KHDC1: variants seen among roughly 807,000 people sequenced by gnomAD.
KHDC1 encodes KH homology domain-containing protein 1.
KHDC1 carries 21 observed loss-of-function variants against 24.7 expected under a neutral mutation model. The ratio of observed to expected loss-of-function variants is 0.85; its 90% CI spans 0.60 to 1.23. The LOEUF (loss-of-function observed/expected upper bound fraction) is 1.23. Among genes scored for constraint, KHDC1 ranks in the 50% most tolerant of loss-of-function variants. KHDC1 has a pLI of 0.00. For synonymous variants in KHDC1, 98 were observed against 111.7 expected (o/e 0.88, Z 0.77); for missense variants, 274 against 298.5 (o/e 0.92, Z 0.61).
exon 4 of KHDC1, chr6:73,242,090 C>T: frequency 6.2e-7 from 1 of 1,613,922 alleles, no homozygotes; most frequent in Non-Finnish European, 8.5e-7. Context: ...GCTCCCCACA[C>T]AACAAAACAT....
chr6:73,262,954 G>T, intron 2 of KHDC1: 1 of 991,882 alleles, frequency 1.0e-6, no homozygotes, highest in South Asian at 4.4e-5. Flanking sequence ...ACCACAGGGG[G>T]GTCAGGTAGC....
chr6:73,278,583 T>G (rs1228784100), intron 2 of KHDC1, among the ~76,000 whole-genome samples: 1 of 152,216 alleles, frequency 6.6e-6, no homozygotes, highest in East Asian at 1.9e-4. Context: ...TATAGTACTT[T>G]TTCAGTATCA....
At chr6:73,256,366 C>T (rs2150561917) in intron 2 of KHDC1, among the ~76,000 whole-genome samples, 1 of 152,070 alleles carries the variant, frequency 6.6e-6, no homozygotes, top group African/African-American at 2.4e-5. Context: ...TATTATTCTC[C>T]CATTAAAAAA....
At chr6:73,262,922 C>T (rs1767007156) in intron 2 of KHDC1, 1 of 987,612 alleles carries the variant, frequency 1.0e-6, no homozygotes, top group Non-Finnish European at 1.2e-6. Flanking sequence ...TCTGTCCCTT[C>T]ACCGGACTAA....
At chr6:73,288,407 G>A (rs1330999414) in intron 2 of KHDC1, among the ~76,000 whole-genome samples, 1 of 152,184 alleles carries the variant, frequency 6.6e-6, no homozygotes, top group Non-Finnish European at 1.5e-5. Flanking sequence ...AATCACTTGA[G>A]GTCAGGAGTT....
intron 2 of KHDC1, among the ~76,000 whole-genome samples, chr6:73,270,972 G>GAGCC (rs1198418759): frequency 6.6e-6 from 1 of 151,454 alleles, no homozygotes; most frequent in African/African-American, 2.4e-5. Context: ...TTACAAGCGT[G>GAGCC]AGCCACCGCG....
chr6:73,287,324 A>G (rs1355932812), intron 2 of KHDC1, among the ~76,000 whole-genome samples: 1 of 152,196 alleles, frequency 6.6e-6, no homozygotes, highest in African/African-American at 2.4e-5. Flanking sequence ...CTCAGATGCC[A>G]GAAAGACACA....
chr6:73,286,882 C>CAAAAA (rs34820901), intron 2 of KHDC1, among the ~76,000 whole-genome samples: 1 of 141,684 alleles, frequency 7.1e-6, no homozygotes, highest in Admixed American at 7.1e-5. Context: ...GACTCTGTCT[C>CAAAAA]AAAAAAAAAA....
intron 2 of KHDC1, among the ~76,000 whole-genome samples, chr6:73,249,338 C>T (rs1403368774): frequency 1.3e-5 from 2 of 151,974 alleles, no homozygotes; most frequent in Non-Finnish European, 2.9e-5. Context: ...CAACAAAGTA[C>T]TTATGTACTG....
intron 2 of KHDC1, among the ~76,000 whole-genome samples, chr6:73,257,945 T>A (rs759488940): frequency 4.1e-4 from 62 of 151,998 alleles, no homozygotes; most frequent in Non-Finnish European, 7.4e-4. Flanking sequence ...TCATCTCTAC[T>A]AAAAATTTTT....
intron 2 of KHDC1, among the ~76,000 whole-genome samples, chr6:73,253,859 A>G (rs1301334712): frequency 6.6e-6 from 1 of 152,216 alleles, no homozygotes; most frequent in African/African-American, 2.4e-5. Context: ...GTGAGCTATG[A>G]TCATACACCG....
chr6:73,254,434 C>G (rs1171207372), intron 2 of KHDC1, among the ~76,000 whole-genome samples: 1 of 150,782 alleles, frequency 6.6e-6, no homozygotes, highest in Non-Finnish European at 1.5e-5. Context: ...GCACTCCAGC[C>G]TGGGCGACAG....
chr6:73,247,122 C>A (rs1245556647), intron 2 of KHDC1, among the ~76,000 whole-genome samples: 1 of 151,928 alleles, frequency 6.6e-6, no homozygotes. Flanking sequence ...GGATTACAGG[C>A]ATGAACCACC....
intron 1 of KHDC1, among the ~76,000 whole-genome samples, chr6:73,305,211 C>T (rs1767941018): frequency 6.6e-6 from 1 of 151,940 alleles, no homozygotes; most frequent in Admixed American, 6.6e-5. Context: ...GCACTCCAGC[C>T]TGCCTAAGTG....
intron 2 of KHDC1, among the ~76,000 whole-genome samples, chr6:73,264,644 AGCCT>A (rs1452651182): frequency 1.3e-5 from 2 of 152,238 alleles, no homozygotes; most frequent in Non-Finnish European, 2.9e-5. Context: ...TCCTTTGGCA[AGCCT>A]GGGCCAGAGG....
Position 73,247,269 on chromosome 6 carries a change from G to A in KHDC1, c.207-4739C>T, listed in dbSNP as rs187311871. On this transcript the variant is annotated intron_variant, in intron 2 of 4. Coordinates refer to ENST00000370384, the Ensembl canonical transcript of KHDC1. ...TGAGATTACAGGTATGAGCCAACAC[G>A]CCCAGCCCAACATGTTTTAGAATAG... Among the ~76,000 whole-genome samples the A allele has an allele frequency of 1.6e-3, 242 of 152,068 alleles. 1 individual carries two copies. Among genetic ancestry groups the A allele is most frequent in the African/African-American group, 5.6e-3 (233 of 41,490 alleles).
chr6:73,264,176 GCAA>G lies in KHDC1; in HGVS notation c.207-21649_207-21647del, dbSNP rs1481929462. Among the ~76,000 whole-genome samples, 6 of 152,268 alleles carry G rather than the reference GCAA, an allele frequency of 3.9e-5. No individual in the cohort carries two copies. In the East Asian group the frequency reaches 1.2e-3, roughly 29 times the overall value. On this transcript the variant is annotated intron_variant, in intron 2 of 4. Transcript: ENST00000370384. Reference sequence around the variant, plus strand: ...ATCACGCCACTGCATTCCAGCCTGGGCAACAAAGCAAGACCCTGTCTGAGGTCA... The same window carrying G: ...ATCACGCCACTGCATTCCAGCCTGGGCAAAGCAAGACCCTGTCTGAGGTCA...
At chr6:73,288,783 G>A (rs1426985832) in intron 2 of KHDC1, among the ~76,000 whole-genome samples, 1 of 113,424 alleles carries the variant, frequency 8.8e-6, no homozygotes, top group African/African-American at 3.4e-5. Context: ...GAACAACATA[G>A]TATAGTAAGA....
chr6:73,267,052 T>C (rs559738787), intron 2 of KHDC1, among the ~76,000 whole-genome samples: 40 of 152,226 alleles, frequency 2.6e-4, no homozygotes, highest in African/African-American at 8.7e-4. Context: ...AGGACTTAAA[T>C]AGACATTTCT....
Sources: gnomAD v4.1 joint callset for allele counts (sites outside exome capture counted in the v4.1 genomes callset) on GRCh38, gnomAD v4.1.1 for gene constraint, MANE v1.5 for transcripts, NCBI Gene and HGNC (gene_info 2026-07-23, HGNC 2026-07-21) for gene names.